The following SEPTIN9 variants were observed in gnomAD, a reference collection of about 807,000 sequenced individuals.
SEPTIN9 encodes septin-9.
A neutral mutation model predicts 56.6 loss-of-function variants in SEPTIN9; 13 were observed. The observed-to-expected ratio is 0.23, with a 90% CI of 0.15 to 0.37. SEPTIN9 has a LOEUF of 0.37. Among genes scored for constraint, SEPTIN9 ranks in the 10% least tolerant of loss-of-function variants. The probability of loss-of-function intolerance (pLI) is 1.00; values close to 1 mark genes in which losing one functional copy is unlikely to be tolerated. For missense variants in SEPTIN9, 650 were observed against 823.1 expected (o/e 0.79, Z 2.57); for synonymous variants, 332 against 334.1 (o/e 0.99, Z 0.07).
At position 77,371,005 on chromosome 17, in the gene SEPTIN9, C is replaced by T. The variant is rs2034703877; in HGVS notation, c.77-31054C>T. 6.6e-6 allele frequency among the ~76,000 whole-genome samples: 1 copy of T among 152,200 alleles called. No individual in the cohort carries two copies. Among genetic ancestry groups the T allele is most frequent in the Non-Finnish European group, 1.5e-5 (1 of 68,040 alleles). On this transcript the variant is annotated intron_variant, in intron 2 of 11. Coordinates refer to ENST00000427177, the MANE Select transcript of SEPTIN9 (RefSeq NM_001113491.2). The surrounding 1 kb of genome is among the most constrained non-coding windows in gnomAD (Gnocchi z 4.1). Reference sequence around the variant, plus strand: ...TTGAAGGGTGGTGCCCAGCTGTTTCCCATCTCCTCTGAGGACAGGAAAAAA... The same window carrying T: ...TTGAAGGGTGGTGCCCAGCTGTTTCTCATCTCCTCTGAGGACAGGAAAAAA...
At chr17:77,370,137 C>A (rs1289393531) in intron 2 of SEPTIN9, among the ~76,000 whole-genome samples, 1 of 152,226 alleles carries the variant, frequency 6.6e-6, no homozygotes, top group Non-Finnish European at 1.5e-5. Flanking sequence ...CGAGTTTCTC[C>A]TGGCTGCTGT....
intron 2 of SEPTIN9, among the ~76,000 whole-genome samples, chr17:77,350,616 T>TGTGTGC (rs1384524691): frequency 6.6e-6 from 1 of 151,614 alleles, no homozygotes; most frequent in Admixed American, 6.6e-5. Flanking sequence ...GTGCAGTGTG[T>TGTGTGC]GTGTGTGTGT....
intron 3 of SEPTIN9, among the ~76,000 whole-genome samples, chr17:77,415,807 G>T (rs1402378496): frequency 6.6e-6 from 1 of 152,142 alleles, no homozygotes; most frequent in Non-Finnish European, 1.5e-5. Flanking sequence ...GAGGCATAAG[G>T]AGCAAAATAA....
At chr17:77,350,977 C>A (rs1019290891) in intron 2 of SEPTIN9, among the ~76,000 whole-genome samples, 2 of 150,708 alleles carry the variant, frequency 1.3e-5, no homozygotes, top group Non-Finnish European at 3.0e-5. Flanking sequence ...CTGTGTGCCC[C>A]CATGTGTGTG....
At position 77,475,464 on chromosome 17, in the gene SEPTIN9, C is replaced by T; in HGVS notation, c.722-6680C>T. 6.4e-7 allele frequency: 1 copy of T among 1,563,172 alleles called. No homozygotes were observed. ...CAGGGACTCACTCAGCTTTAAGAAG[C>T]CCCTTTGTGGGGGACAGGGAGCATC... On this transcript the variant is annotated intron_variant, in intron 3 of 11. Transcript: ENST00000427177. The surrounding 1 kb of genome is among the most constrained non-coding windows in gnomAD (Gnocchi z 4.6).
At chr17:77,384,085 G>A (rs2035241724) in intron 2 of SEPTIN9, among the ~76,000 whole-genome samples, 1 of 152,198 alleles carries the variant, frequency 6.6e-6, no homozygotes, top group South Asian at 2.1e-4. Context: ...GAGCAGGGAG[G>A]AAGGCGGCGG....
Position 77,497,311 on chromosome 17 carries a change from C to T in SEPTIN9, c.1574-4C>T, listed in dbSNP as rs750223540. 3.1e-6 allele frequency: 5 copies of T among 1,613,426 alleles called. No homozygotes were observed. The highest frequency in any genetic ancestry group is 4.2e-6 in the Non-Finnish European group (5 of 1,179,648). On this transcript the variant is annotated splice_region_variant and splice_polypyrimidine_tract_variant and intron_variant, in intron 10 of 11. Coordinates refer to ENST00000427177, the MANE Select transcript of SEPTIN9 (RefSeq NM_001113491.2). ...ATTAAAGCCCCTCCTGTCTCCTCTC[C>T]TAGTTGAAAACACCACACACTGTGA...
At chr17:77,386,968 C>T (rs2035358632) in intron 2 of SEPTIN9, among the ~76,000 whole-genome samples, 2 of 152,182 alleles carry the variant, frequency 1.3e-5, no homozygotes, top group African/African-American at 4.8e-5. Flanking sequence ...CACACAGGCA[C>T]TGAAGGTTAA....
chr17:77,375,040 G>GC (rs1335968115), intron 2 of SEPTIN9: 7 of 115,054 alleles, frequency 6.1e-5, no homozygotes, highest in Non-Finnish European at 1.2e-4. Flanking sequence ...TGCTGTTCCC[G>GC]CCCCCCTCCC....
Position 77,499,657 on chromosome 17 carries a change from C to T in SEPTIN9, c.*999C>T. On this transcript the variant is annotated 3_prime_UTR_variant, in exon 12 of 12. Coordinates refer to ENST00000427177, the MANE Select transcript of SEPTIN9 (RefSeq NM_001113491.2). ...GTGACCAGGGAAGTGTGTGTGTGTC[C>T]ATGTGTATGCGTGTCCGTCTGTCTG... is the stretch of plus-strand genomic sequence containing the variant. The T allele has an allele frequency of 2.3e-6, 1 of 429,838 alleles. No homozygotes were observed. The highest frequency in any genetic ancestry group is 4.4e-6 in the Non-Finnish European group (1 of 225,954). The allele number at this position is 429,838 out of a possible 1,614,324, so 26.6% of individuals were successfully genotyped here.
At chr17:77,335,827 T>C (rs1351937429) in intron 2 of SEPTIN9, among the ~76,000 whole-genome samples, 1 of 74,092 alleles carries the variant, frequency 1.3e-5, no homozygotes. Context: ...TATATGTACA[T>C]ATATACATGT....
intron 3 of SEPTIN9, among the ~76,000 whole-genome samples, chr17:77,477,467 C>T (rs1225761565): frequency 6.6e-6 from 1 of 152,214 alleles, no homozygotes; most frequent in African/African-American, 2.4e-5. Context: ...GGCGCACGCT[C>T]GTGCCTTTTT....
chr17:77,358,953 C>A (rs2034336035), intron 2 of SEPTIN9, among the ~76,000 whole-genome samples: 1 of 152,144 alleles, frequency 6.6e-6, no homozygotes, highest in South Asian at 2.1e-4. Context: ...ACAGCCCGGA[C>A]CTAGTTCATT....
intron 2 of SEPTIN9, among the ~76,000 whole-genome samples, chr17:77,337,670 A>G (rs1424722967): frequency 6.6e-6 from 1 of 152,140 alleles, no homozygotes; most frequent in Non-Finnish European, 1.5e-5. Flanking sequence ...TTAATCACAA[A>G]TTCAATTTAA....
At chr17:77,383,229 A>G (rs2035212192) in intron 2 of SEPTIN9, among the ~76,000 whole-genome samples, 2 of 134,152 alleles carry the variant, frequency 1.5e-5, no homozygotes, top group South Asian at 4.9e-4. Context: ...ACCCAAGTCC[A>G]GGCCCTTCCA....
At chr17:77,403,811 A>C (rs1349432527) in intron 3 of SEPTIN9, among the ~76,000 whole-genome samples, 21 of 152,196 alleles carry the variant, frequency 1.4e-4, no homozygotes, top group Admixed American at 1.4e-3. Context: ...GCCACTTTGC[A>C]GTGTACGTTT....
intron 2 of SEPTIN9, among the ~76,000 whole-genome samples, chr17:77,348,143 G>A (rs1161175919): frequency 6.6e-6 from 1 of 151,912 alleles, no homozygotes; most frequent in African/African-American, 2.4e-5. Context: ...CCTTTTAATT[G>A]GAATATTCAG....
Position 77,367,346 on chromosome 17 carries a change from A to G in SEPTIN9, c.77-34713A>G, listed in dbSNP as rs1055754618. On this transcript the variant is annotated intron_variant, in intron 2 of 11. Coordinates refer to ENST00000427177, the MANE Select transcript of SEPTIN9 (RefSeq NM_001113491.2). This position sits in a 1 kb window ranked among gnomAD's most constrained non-coding sequence, Gnocchi z 4.5. ...ACATGAAGAATCCATGTGTGTTCTGAACGTCCCCTCTGCCCCTTTGGGCTC... is the reference window on the plus strand; with the variant it reads ...ACATGAAGAATCCATGTGTGTTCTGGACGTCCCCTCTGCCCCTTTGGGCTC... 2.0e-5 allele frequency among the ~76,000 whole-genome samples: 3 copies of G among 152,166 alleles called. No individual in the cohort carries two copies. Among genetic ancestry groups the G allele is most frequent in the Non-Finnish European group, 4.4e-5 (3 of 68,026 alleles).
In SEPTIN9 at chr17:77,323,199, C is replaced by G. The variant is rs1450882935; in HGVS notation, c.76+16002C>G. ...TCCCGCCCTCCCTGGGGGCTGTGGCCTTCCCCTGGGAAGGTGCTGGAGGGT... is the reference window on the plus strand; with the variant it reads ...TCCCGCCCTCCCTGGGGGCTGTGGCGTTCCCCTGGGAAGGTGCTGGAGGGT... On this transcript the variant is annotated intron_variant, in intron 2 of 11. Coordinates refer to ENST00000427177, the MANE Select transcript of SEPTIN9 (RefSeq NM_001113491.2). The surrounding 1 kb of genome is among the most constrained non-coding windows in gnomAD (Gnocchi z 6.8). 6.6e-6 allele frequency among the ~76,000 whole-genome samples: 1 copy of G among 152,090 alleles called. No individual in the cohort carries two copies. The highest frequency in any genetic ancestry group is 2.4e-5 in the African/African-American group (1 of 41,406).
Sources: gnomAD v4.1 joint callset for allele counts (sites outside exome capture counted in the v4.1 genomes callset) on GRCh38, gnomAD v4.1.1 for gene constraint, Gnocchi (gnomAD v3.1) non-coding constraint, MANE v1.5 for transcripts, NCBI Gene and HGNC (gene_info 2026-07-23, HGNC 2026-07-21) for gene names.